Variants in LRBA observed in about 807,000 individuals in gnomAD.
LRBA encodes lipopolysaccharide-responsive and beige-like anchor protein.
LRBA carries 176 observed loss-of-function variants against 330.0 expected under a neutral mutation model. The ratio of observed to expected loss-of-function variants is 0.53; its 90% CI spans 0.47 to 0.60. The LOEUF is 0.60. Ranked by LOEUF, LRBA falls within the 20% of genes least tolerant of loss-of-function variation. The probability of loss-of-function intolerance (pLI) is 0.00; values close to 1 mark genes in which losing one functional copy is unlikely to be tolerated. For synonymous variants in LRBA, 1,230 were observed against 1,193.0 expected, an observed-to-expected ratio of 1.03 and a Z score of -0.64; for missense variants, 3,259 against 3,444.8, an observed-to-expected ratio of 0.95 and a Z score of 1.35.
chr4:150,686,068 T>C (rs1450205522), intron 36 of LRBA, among the ~76,000 whole-genome samples: 1 of 152,228 alleles, frequency 6.6e-6, no homozygotes, highest in African/African-American at 2.4e-5. Flanking sequence ...TCACCCTTGC[T>C]AATATCTCCT....
intron 36 of LRBA, among the ~76,000 whole-genome samples, chr4:150,697,103 G>A (rs1253679534): frequency 2.0e-5 from 3 of 151,026 alleles, no homozygotes; most frequent in African/African-American, 4.9e-5. Context: ...AAGGCGGGTG[G>A]ATCATGAGGT....
intron 33 of LRBA, among the ~76,000 whole-genome samples, chr4:150,801,436 A>C (rs906235217): frequency 2.0e-5 from 3 of 152,202 alleles, no homozygotes; most frequent in Non-Finnish European, 4.4e-5. Flanking sequence ...AATTTTGTTA[A>C]AGAGGACAGA....
chr4:150,339,552 T>C (rs1327619889), intron 48 of LRBA, among the ~76,000 whole-genome samples: 3 of 152,140 alleles, frequency 2.0e-5, no homozygotes, highest in Admixed American at 6.6e-5. Flanking sequence ...AGAGACATAA[T>C]TTTTTAGAAT....
At chr4:150,585,376 C>T (rs187367294) in intron 40 of LRBA, among the ~76,000 whole-genome samples, 2 of 152,194 alleles carry the variant, frequency 1.3e-5, no homozygotes, top group Admixed American at 6.5e-5. Context: ...ATATGCAATT[C>T]AAACAAAAAA....
chr4:150,514,116 A>T lies in LRBA; in HGVS notation c.6331-23081T>A, dbSNP rs188500289. The stretch of plus-strand genomic sequence containing the variant: ...AGATGGAGTTTCACTCTTGTCACCC[A>T]GGCTGGAGTGCAATGGCATGATCCT... On this transcript the variant is annotated intron_variant, in intron 40 of 56. Coordinates refer to ENST00000651943, the MANE Select transcript of LRBA (RefSeq NM_001364905.1). Among the ~76,000 whole-genome samples the T allele has an allele frequency of 7.2e-5, 11 of 152,292 alleles. No individual in the cohort carries two copies. In the East Asian group the frequency reaches 1.9e-3, roughly 27 times the overall value.
chr4:150,757,458 A>T (rs1185239656), intron 35 of LRBA, among the ~76,000 whole-genome samples: 1 of 152,196 alleles, frequency 6.6e-6, no homozygotes, highest in Non-Finnish European at 1.5e-5. Context: ...ATTTACACAA[A>T]TACGACATTA....
intron 34 of LRBA, among the ~76,000 whole-genome samples, chr4:150,765,464 C>T (rs998434300): frequency 6.6e-6 from 1 of 151,962 alleles, no homozygotes; most frequent in Admixed American, 6.6e-5. Context: ...ATGCCAGTCT[C>T]GTGAAGAATG....
At chr4:150,896,290 T>C in intron 16 of LRBA, 104 bp downstream of exon 16, 1 of 618,642 alleles carries the variant, frequency 1.6e-6, no homozygotes, top group South Asian at 2.0e-5. Flanking sequence ...TTACTCCCCA[T>C]TACAGTTACA....
chr4:150,508,386 G>A (rs993645465), intron 40 of LRBA, among the ~76,000 whole-genome samples: 18 of 151,934 alleles, frequency 1.2e-4, no homozygotes, highest in Admixed American at 2.0e-4. Context: ...GGGTTCAGAC[G>A]ATTCTCCTGC....
In LRBA at chr4:150,848,877, T is replaced by A; in HGVS notation, c.4280A>T (p.Glu1427Val). The change falls in exon 26 of 57, where the codon GAA becomes GTA. Residue 1427 changes from glutamate to valine, a missense_variant. By Grantham distance (121) the Glu-to-Val change is moderately radical. Coordinates refer to ENST00000651943, the MANE Select transcript of LRBA (RefSeq NM_001364905.1). The stretch of plus-strand genomic sequence containing the variant: ...TGACATACTTTTTTCAGCTTCAATT[T>A]CAGTAAAGCCAAGAGAACTTGCAAA... ...LIFASSLGFT[E>V]IEAEKSMSSG... The A allele has an allele frequency of 6.2e-7, 1 of 1,612,690 alleles. No individual in the cohort carries two copies. Among genetic ancestry groups the A allele is most frequent in the Non-Finnish European group, 8.5e-7 (1 of 1,179,238 alleles).
intron 40 of LRBA, among the ~76,000 whole-genome samples, chr4:150,561,907 A>G (rs1054762073): frequency 6.6e-6 from 1 of 152,160 alleles, no homozygotes; most frequent in Admixed American, 6.6e-5. Flanking sequence ...CTCCAAGCAT[A>G]TATAGATTCC....
intron 28 of LRBA, among the ~76,000 whole-genome samples, chr4:150,836,933 G>A (rs1432364215): frequency 1.3e-5 from 2 of 152,140 alleles, no homozygotes; most frequent in Non-Finnish European, 2.9e-5. Context: ...TGGGCATTTA[G>A]TGCTATAAAT....
chr4:150,825,913 C>T (rs551017555), intron 30 of LRBA, among the ~76,000 whole-genome samples: 1 of 151,956 alleles, frequency 6.6e-6, no homozygotes, highest in African/African-American at 2.4e-5. Flanking sequence ...CGCATAAGAA[C>T]TATTGTAAAG....
chr4:150,453,832 T>A (rs1753689116), intron 44 of LRBA, among the ~76,000 whole-genome samples: 1 of 152,238 alleles, frequency 6.6e-6, no homozygotes, highest in Admixed American at 6.5e-5. Context: ...CATTTAACAC[T>A]GACTAATCTT....
At chr4:150,303,558 C>A (rs372281870) in intron 52 of LRBA, among the ~76,000 whole-genome samples, 18 of 151,990 alleles carry the variant, frequency 1.2e-4, no homozygotes, top group African/African-American at 3.9e-4. Flanking sequence ...AGCCCTCACC[C>A]TTTTTTGTTA....
chr4:150,783,598 T>C (rs139766348), intron 34 of LRBA, among the ~76,000 whole-genome samples: 18 of 152,288 alleles, frequency 1.2e-4, no homozygotes, highest in Non-Finnish European at 2.1e-4. Flanking sequence ...CAGAAATAAA[T>C]AATTACTACC....
chr4:150,586,369 T>C (rs1013622844), intron 40 of LRBA, among the ~76,000 whole-genome samples: 2 of 152,172 alleles, frequency 1.3e-5, no homozygotes, highest in Non-Finnish European at 2.9e-5. Flanking sequence ...ATTCAGCATA[T>C]TTTCTTCTTC....
rs1050008897 is a variant in LRBA, at chr4:150,474,333, G to A, written c.6552-2594C>T. On this transcript the variant is annotated intron_variant, in intron 42 of 56. Coordinates refer to ENST00000651943, the MANE Select transcript of LRBA (RefSeq NM_001364905.1). ...ATTCTCTTCCTTTAATTTATATGCC[G>A]ATCTTTGTACAATTACCACAATTGA... 8.5e-5 allele frequency among the ~76,000 whole-genome samples: 13 copies of A among 152,172 alleles called. No homozygotes were observed. The South Asian group carries it at 1.0e-3, about 12-fold the overall frequency.
rs1344753644 is a variant in LRBA at position 150,905,901 on chromosome 4, C to T, written c.1692G>A (p.Leu564=). ...GAACGTGATCACACAATTGCTTGAG[C>T]AGGGGCATCCCATTCTGCAGATTAC... is the stretch of plus-strand genomic sequence containing the variant. ...YLSNLQNGMP[L]LKQLCDHVLL... The change falls in exon 13 of 57, where the codon CTG becomes CTA. Residue 564 remains leucine (L), a synonymous_variant. Transcript: ENST00000651943. 1 of 1,613,576 alleles carries T rather than the reference C, an allele frequency of 6.2e-7. No individual in the cohort carries two copies. Among genetic ancestry groups the T allele is most frequent in the Non-Finnish European group, 8.5e-7 (1 of 1,179,638 alleles).
Sources: gnomAD v4.1 joint callset for allele counts (sites outside exome capture counted in the v4.1 genomes callset) on GRCh38, gnomAD v4.1.1 for gene constraint, MANE v1.5 for transcripts, NCBI Gene and HGNC (gene_info 2026-07-23, HGNC 2026-07-21) for gene names.